The following ARL5C variants were observed in gnomAD, a reference collection of about 807,000 sequenced individuals.
ARL5C encodes ARF like GTPase 5C.
In ARL5C, 21 loss-of-function variants were observed where a neutral mutation model predicts 20.8. That is an observed-to-expected ratio of 1.01 (90% CI 0.72 to 1.46). The LOEUF is 1.46. ARL5C is among the 40% of genes most tolerant of loss of function. The pLI is 0.00. For missense variants in ARL5C, 199 were observed against 225.1 expected, an observed-to-expected ratio of 0.88 and a Z score of 0.74; for synonymous variants, 71 against 81.6, an observed-to-expected ratio of 0.87 and a Z score of 0.70.
chr17:39,160,408 G>T, intron 5 of ARL5C, 183 bp downstream of exon 5: 1 of 625,208 alleles, frequency 1.6e-6, no homozygotes, highest in Non-Finnish European at 2.8e-6. Context: ...CCTGAGAGCA[G>T]GGATGCTGTC....
At chr17:39,159,034 T>TG (rs963937054) in intron 5 of ARL5C, among the ~76,000 whole-genome samples, 2 of 124,900 alleles carry the variant, frequency 1.6e-5, no homozygotes, top group African/African-American at 3.1e-5. Context: ...TTTTTTTTTT[T>TG]TTTTTTTTTT....
chr17:39,165,230 C>A (rs1432740839), intron 1 of ARL5C, 91 bp from the exon 2 acceptor site: 20 of 1,335,708 alleles, frequency 1.5e-5, no homozygotes, highest in African/African-American at 4.4e-5. Flanking sequence ...AAGGAGATAG[C>A]GCTCCCCGCA....
chr17:39,163,718 T>A (rs2045449061), intron 2 of ARL5C, among the ~76,000 whole-genome samples: 4 of 132,834 alleles, frequency 3.0e-5, no homozygotes, highest in Admixed American at 1.5e-4. Flanking sequence ...TTTTTTTTTT[T>A]CCTTGAGATG....
Position 39,160,746 on chromosome 17 carries a change from T to C in ARL5C, c.340-4A>G. The C allele has an allele frequency of 1.9e-6, 3 of 1,551,090 alleles. No individual in the cohort carries two copies. Among genetic ancestry groups the C allele is most frequent in the Non-Finnish European group, 2.6e-6 (3 of 1,146,926 alleles). On this transcript the variant is annotated splice_polypyrimidine_tract_variant and splice_region_variant and intron_variant, in intron 4 of 5. Coordinates refer to ENST00000269586, the MANE Select transcript of ARL5C (RefSeq NM_001143968.1). ...GGACTGAAGCATCCTGTAGAGCCTG[T>C]GGACAGAGGAGCCCAGCCCCAGTCA...
At chr17:39,164,678 G>A (rs2045453875) in intron 2 of ARL5C, among the ~76,000 whole-genome samples, 1 of 152,190 alleles carries the variant, frequency 6.6e-6, no homozygotes, top group Non-Finnish European at 1.5e-5. Flanking sequence ...AGGCTTGCTA[G>A]ACCAGGAGCT....
At chr17:39,159,955 T>A (rs1298458453) in intron 5 of ARL5C, among the ~76,000 whole-genome samples, 5 of 152,236 alleles carry the variant, frequency 3.3e-5, no homozygotes, top group African/African-American at 9.6e-5. Flanking sequence ...AGGCCAGCCC[T>A]GACCACCAGA....
intron 5 of ARL5C, among the ~76,000 whole-genome samples, chr17:39,159,022 GTTTTTTTTTTT>G (rs869126572): frequency 3.8e-5 from 2 of 52,456 alleles, no homozygotes; most frequent in Admixed American, 2.7e-4. Flanking sequence ...TTTATCACTT[GTTTTTTTTTTT>G]TTTTTTTTTT....
chr17:39,162,913 GCCCCCAAATGCTCTA>G, intron 2 of ARL5C, 55 bp from the exon 3 acceptor site: 1 of 1,528,742 alleles, frequency 6.5e-7, no homozygotes. Flanking sequence ...CCCAACTCTG[GCCCCCAAATGCTCTA>G]CTCCCAAAGC....
At chr17:39,160,536 C>A in intron 5 of ARL5C, 55 bp downstream of exon 5, 1 of 1,535,828 alleles carries the variant, frequency 6.5e-7, no homozygotes, top group South Asian at 1.2e-5. Context: ...TTCTGATGGT[C>A]AGTCATCCAT....
rs1036283453 is a variant in ARL5C, at chr17:39,158,016, T to C, written c.492-1074A>G. 2.7e-5 allele frequency among the ~76,000 whole-genome samples: 4 copies of C among 148,810 alleles called. No homozygotes were observed. The East Asian group carries it at 7.9e-4, about 29-fold the overall frequency. On this transcript the variant is annotated intron_variant, in intron 5 of 5. Transcript: ENST00000269586. ...GGGAGGCTGAGGCAGGAGAATGGCG[T>C]GAACCTGGGAGGCAGAGCTTGCAGT...
At chr17:39,160,472 G>T in intron 5 of ARL5C, 119 bp downstream of exon 5, 2 of 1,298,158 alleles carry the variant, frequency 1.5e-6, no homozygotes, top group Admixed American at 2.4e-5. Context: ...AAATTGGCTT[G>T]GCCCAGGAGC....
chr17:39,160,117 G>A (rs979389639), intron 5 of ARL5C: 1 of 155,656 alleles, frequency 6.4e-6, no homozygotes, highest in Non-Finnish European at 1.4e-5. Flanking sequence ...TGGACCACCT[G>A]TGGTCAGGAG....
At position 39,160,739 on chromosome 17, in the gene ARL5C, G is replaced by C; in HGVS notation, c.343C>G (p.Leu115Val). ...AATATCAGGACTGAAGCATCCTGTAGAGCCTGTGGACAGAGGAGCCCAGCC... is the reference window on the plus strand; with the variant it reads ...AATATCAGGACTGAAGCATCCTGTACAGCCTGTGGACAGAGGAGCCCAGCC... ...ELYKMLAHEA[L>V]QDASVLIFAN... is the part of the protein sequence containing the mutation. The change falls in exon 5 of 6, where the codon CTA (leucine) becomes GTA (valine). Residue 115 changes from leucine to valine, a missense_variant. Physicochemically the swap from Leu to Val is conservative, Grantham distance 32. Coordinates refer to ENST00000269586, the MANE Select transcript of ARL5C (RefSeq NM_001143968.1). 3 of 1,551,240 alleles carry C rather than the reference G, an allele frequency of 1.9e-6. No homozygotes were observed. Among genetic ancestry groups the C allele is most frequent in the Non-Finnish European group, 2.6e-6 (3 of 1,146,968 alleles).
chr17:39,165,448 C>G lies in ARL5C; in HGVS notation c.46+267G>C, dbSNP rs943640438. On this transcript the variant is annotated intron_variant, in intron 1 of 5. Coordinates refer to ENST00000269586, the MANE Select transcript of ARL5C (RefSeq NM_001143968.1). ...CGCGAAGTCACAATCGCAGGAAACT[C>G]GCAGCAGCCCCCCATCCCCGCCGCT... 3 of 589,674 alleles carry G rather than the reference C, an allele frequency of 5.1e-6. No individual in the cohort carries two copies. The African/African-American group carries it at 5.6e-5, about 11-fold the overall frequency. 36.5% of individuals were successfully genotyped at this position (589,674 alleles called of 1,614,324 possible).
chr17:39,161,800 G>T (rs566220004), intron 3 of ARL5C, among the ~76,000 whole-genome samples: 1 of 152,100 alleles, frequency 6.6e-6, no homozygotes, highest in South Asian at 2.1e-4. Flanking sequence ...CACCAGGTGT[G>T]CTGCCACACC....
At chr17:39,163,588 C>T (rs1478105485) in intron 2 of ARL5C, among the ~76,000 whole-genome samples, 3 of 151,654 alleles carry the variant, frequency 2.0e-5, no homozygotes, top group Admixed American at 6.6e-5. Flanking sequence ...AACGGGGTTT[C>T]GCCATGTTGG....
chr17:39,160,604 G>A lies in ARL5C; in HGVS notation c.478C>T (p.Leu160Phe), dbSNP rs1349681651. 2 of 1,551,838 alleles carry A rather than the reference G, an allele frequency of 1.3e-6. No homozygotes were observed. The highest frequency in any genetic ancestry group is 1.2e-5 in the South Asian group (1 of 84,054). The change falls in exon 5 of 6, where the codon CTC (leucine) becomes TTC (phenylalanine). Residue 160 changes from leucine to phenylalanine, a missense_variant. By Grantham distance (22) the Leu-to-Phe change is conservative (BLOSUM62 0). Coordinates refer to ENST00000269586, the MANE Select transcript of ARL5C (RefSeq NM_001143968.1). ...HSWHIQGCCA[L>F]TREGLPARLQ... ...GCAGCCACTAACCCTTCCCTGGTGA[G>A]GGCACAGCAGCCTTGTATATGCCAC...
intron 5 of ARL5C, among the ~76,000 whole-genome samples, chr17:39,159,537 T>C (rs1279765846): frequency 6.6e-6 from 1 of 152,122 alleles, no homozygotes; most frequent in East Asian, 1.9e-4. Flanking sequence ...CCTTGGGTGA[T>C]CTGCCCGCCT....
chr17:39,161,516 CT>C (rs35110471), intron 3 of ARL5C, among the ~76,000 whole-genome samples, 165 bp from the exon 4 acceptor site: 15,078 of 142,874 alleles, frequency 0.11, 697 homozygotes, highest in East Asian at 0.12. Flanking sequence ...TTATAATTGT[CT>C]TTTTTTTTTT....
Sources: gnomAD v4.1 joint callset for allele counts (sites outside exome capture counted in the v4.1 genomes callset) on GRCh38, gnomAD v4.1.1 for gene constraint, MANE v1.5 for transcripts, NCBI Gene and HGNC (gene_info 2026-07-23, HGNC 2026-07-21) for gene names.